The following KATNIP variants were observed in gnomAD, a reference collection of about 807,000 sequenced individuals.
The protein encoded by KATNIP is katanin-interacting protein.
In KATNIP, 126 loss-of-function variants were observed where a neutral mutation model predicts 174.0. The ratio of observed to expected loss-of-function variants is 0.72; its 90% CI spans 0.63 to 0.84. KATNIP has a LOEUF of 0.84. KATNIP is among the 40% of genes least tolerant of loss of function. The pLI is 0.00. For synonymous variants in KATNIP, 810 were observed against 835.7 expected, an observed-to-expected ratio of 0.97 and a Z score of 0.53; for missense variants, 1,958 against 2,109.7, an observed-to-expected ratio of 0.93 and a Z score of 1.41.
intron 2 of KATNIP, among the ~76,000 whole-genome samples, chr16:27,597,474 C>CT: frequency 1.0e-5 from 1 of 95,488 alleles, no homozygotes; most frequent in East Asian, 3.9e-4. Flanking sequence ...TTGCAACATG[C>CT]TTTTGTAACT....
At chr16:27,672,377 C>T (rs988363773) in intron 6 of KATNIP, among the ~76,000 whole-genome samples, 3 of 152,202 alleles carry the variant, frequency 2.0e-5, no homozygotes, top group Non-Finnish European at 4.4e-5. Context: ...CCTGTCACAT[C>T]ATCCAGACAA....
intron 12 of KATNIP, among the ~76,000 whole-genome samples, chr16:27,707,803 G>T (rs1298373213): frequency 6.6e-6 from 1 of 152,168 alleles, no homozygotes; most frequent in East Asian, 1.9e-4. Context: ...CCCTCATATG[G>T]CCTTTTTCTG....
At chr16:27,602,414 C>T (rs1040720320) in intron 2 of KATNIP, among the ~76,000 whole-genome samples, 6 of 152,178 alleles carry the variant, frequency 3.9e-5, no homozygotes, top group African/African-American at 7.2e-5. Context: ...CAGTCTGTTC[C>T]AGCCACACTG....
At chr16:27,585,921 G>T (rs1288038536) in intron 2 of KATNIP, among the ~76,000 whole-genome samples, 1 of 152,020 alleles carries the variant, frequency 6.6e-6, no homozygotes, top group Non-Finnish European at 1.5e-5. Context: ...AGGCAACATG[G>T]TGAAACCCTG....
intron 21 of KATNIP, among the ~76,000 whole-genome samples, chr16:27,771,295 C>T (rs2082290914): frequency 6.6e-6 from 1 of 152,132 alleles, no homozygotes; most frequent in African/African-American, 2.4e-5. Context: ...ATCCACATCC[C>T]AAGCATCTAA....
intron 2 of KATNIP, among the ~76,000 whole-genome samples, chr16:27,608,609 C>G (rs531880255): frequency 4.8e-4 from 73 of 152,006 alleles, no homozygotes; most frequent in African/African-American, 1.7e-3. Flanking sequence ...CCTCGAGCTC[C>G]TGGGCTCAAG....
rs746351697 is a variant in KATNIP, at chr16:27,678,047, A to G, written c.808+51A>G. 17 of 1,587,430 alleles carry G rather than the reference A, an allele frequency of 1.1e-5. No homozygotes were observed. The African/African-American group carries it at 1.9e-4, about 18-fold the overall frequency. On this transcript the variant is annotated intron_variant, in intron 7 of 27. Coordinates refer to ENST00000261588, the MANE Select transcript of KATNIP (RefSeq NM_015202.5). The stretch of plus-strand genomic sequence containing the variant: ...CTTTGCCATTGGTGTCTCTGCATCT[A>G]ATAGCAGGACTTAAACTTCCAGTGG...
At chr16:27,690,004 A>G (rs2078658339) in intron 8 of KATNIP, among the ~76,000 whole-genome samples, 1 of 152,152 alleles carries the variant, frequency 6.6e-6, no homozygotes, top group South Asian at 2.1e-4. Flanking sequence ...TGTTAGCCAA[A>G]GAAAGTCACC....
At chr16:27,595,762 G>A (rs1186391938) in intron 2 of KATNIP, among the ~76,000 whole-genome samples, 1 of 152,166 alleles carries the variant, frequency 6.6e-6, no homozygotes, top group Non-Finnish European at 1.5e-5. Flanking sequence ...AAGAAATAAA[G>A]CAGGGAAGAG....
At chr16:27,650,962 CTG>C (rs1034743636) in intron 6 of KATNIP, among the ~76,000 whole-genome samples, 1 of 152,192 alleles carries the variant, frequency 6.6e-6, no homozygotes, top group Non-Finnish European at 1.5e-5. Context: ...CAGGATCAGT[CTG>C]TGCAAAACAG....
chr16:27,683,680 C>G (rs1235106256), intron 8 of KATNIP, among the ~76,000 whole-genome samples: 1 of 152,032 alleles, frequency 6.6e-6, no homozygotes, highest in Non-Finnish European at 1.5e-5. Flanking sequence ...GAGATGGGAG[C>G]TGGGAAAGGG....
chr16:27,677,892 G>A lies in KATNIP; in HGVS notation c.704G>A (p.Gly235Asp), dbSNP rs1324953607. 1 of 1,614,232 alleles carries A rather than the reference G, an allele frequency of 6.2e-7. No homozygotes were observed. Among genetic ancestry groups the A allele is most frequent in the Non-Finnish European group, 8.5e-7 (1 of 1,180,044 alleles). ...HPRHDRPPSS[G>D]DWTQKDVHGE... ...AGACATGACCGCCCTCCTTCCAGTG[G>A]CGACTGGACTCAGAAAGATGTTCAC... The change falls in exon 7 of 28, where the codon GGC becomes GAC. Residue 235 changes from glycine to aspartate, a missense_variant. Transcript: ENST00000261588.
At chr16:27,611,908 A>G (rs1054737827) in intron 2 of KATNIP, among the ~76,000 whole-genome samples, 1 of 152,186 alleles carries the variant, frequency 6.6e-6, no homozygotes, top group Non-Finnish European at 1.5e-5. Flanking sequence ...TTCAGAAGGA[A>G]CTGAAGTGAG....
rs764713074 is a variant in KATNIP at position 27,628,723 on chromosome 16, G to A, written c.203G>A (p.Gly68Asp). The change falls in exon 4 of 28, where the codon GGT becomes GAT. Residue 68 changes from glycine to aspartate, a missense_variant. By Grantham distance (94) the Gly-to-Asp change is moderately conservative. Coordinates refer to ENST00000261588, the MANE Select transcript of KATNIP (RefSeq NM_015202.5). ...VQLRLEHLEQ[G>D]FSVYVNGANS... Reference sequence around the variant, plus strand: ...TTGAGGCTGGAGCACTTGGAGCAAGGTTTCTCTGTCTATGTCAACGGTGCC... The same window carrying A: ...TTGAGGCTGGAGCACTTGGAGCAAGATTTCTCTGTCTATGTCAACGGTGCC... 1.2e-6 allele frequency: 2 copies of A among 1,614,066 alleles called. No individual in the cohort carries two copies. Among genetic ancestry groups the A allele is most frequent in the Non-Finnish European group, 1.7e-6 (2 of 1,180,040 alleles).
In KATNIP at chr16:27,703,959, G is replaced by T. The variant is rs147534519; in HGVS notation, c.1350G>T (p.Arg450Ser). The T allele has an allele frequency of 6.2e-7, 1 of 1,614,172 alleles. No individual in the cohort carries two copies. The highest frequency in any genetic ancestry group is 2.2e-5 in the East Asian group (1 of 44,888). ...AVESDSAHLG[R>S]VVSPTKEQVS... ...AAAGTGACTCTGCCCATCTCGGCAGGGTGGTTTCACCAACCAAGGAGCAAG... is the reference window on the plus strand; with the variant it reads ...AAAGTGACTCTGCCCATCTCGGCAGTGTGGTTTCACCAACCAAGGAGCAAG... The change falls in exon 12 of 28, where the codon AGG (arginine) becomes AGT (serine). Residue 450 changes from arginine (R) to serine (S), a missense_variant. This residue lies in a region of KATNIP where 1,557 missense variants were observed against 1,617.8 expected (regional missense o/e 0.96). Transcript: ENST00000261588.
intron 1 of KATNIP, among the ~76,000 whole-genome samples, chr16:27,572,756 C>T (rs1471840913): frequency 1.3e-5 from 2 of 152,086 alleles, no homozygotes; most frequent in South Asian, 2.1e-4. Flanking sequence ...TATGAGCTGA[C>T]CAGATAAACC....
intron 18 of KATNIP, 147 bp downstream of exon 18, chr16:27,754,398 C>T (rs1392795503): frequency 1.0e-5 from 7 of 668,548 alleles, no homozygotes; most frequent in Non-Finnish European, 1.8e-5. Flanking sequence ...CAAGTGGAGG[C>T]TGAAACCAGC....
intron 14 of KATNIP, among the ~76,000 whole-genome samples, chr16:27,723,190 T>C (rs994843239): frequency 2.6e-5 from 4 of 152,164 alleles, no homozygotes; most frequent in African/African-American, 9.7e-5. Flanking sequence ...GGCGATCCAA[T>C]CACACATCTC....
intron 18 of KATNIP, among the ~76,000 whole-genome samples, chr16:27,760,999 C>T (rs994596277): frequency 2.0e-5 from 3 of 152,148 alleles, no homozygotes; most frequent in East Asian, 3.9e-4. Context: ...AATATAAATA[C>T]GAGAAACTGA....
Sources: gnomAD v4.1 joint callset for allele counts (sites outside exome capture counted in the v4.1 genomes callset) on GRCh38, gnomAD v4.1.1 for gene constraint, gnomAD v4.1.1 regional missense constraint, MANE v1.5 for transcripts, NCBI Gene and HGNC (gene_info 2026-07-23, HGNC 2026-07-21) for gene names.